WWC2: variants seen among roughly 807,000 people sequenced by gnomAD.
WWC2 encodes the protein WW and C2 domain containing 2, also known as protein WWC2.
Under a neutral mutation model 138.5 loss-of-function variants are expected in WWC2, and 101 were observed. That is an observed-to-expected ratio of 0.73 (90% CI 0.62 to 0.86). The LOEUF is 0.86. Ranked by LOEUF, WWC2 falls within the 40% of genes least tolerant of loss-of-function variation. The pLI is 0.00. For synonymous variants in WWC2, 558 were observed against 538.4 expected, an observed-to-expected ratio of 1.04 and a Z score of -0.50; for missense variants, 1,420 against 1,419.4, an observed-to-expected ratio of 1.00 and a Z score of -0.01.
At chr4:183,289,676 C>CT in intron 21 of WWC2, 41 bp downstream of exon 21, 2 of 1,593,020 alleles carry the variant, frequency 1.3e-6, no homozygotes, top group Middle Eastern at 1.9e-4. Flanking sequence ...GGGCTTACAT[C>CT]TTTTTTTAAA....
Position 183,208,936 on chromosome 4 carries a change from T to A in WWC2, c.446-13T>A. The A allele has an allele frequency of 6.6e-7, 1 of 1,516,322 alleles. No homozygotes were observed. The highest frequency in any genetic ancestry group is 8.9e-7 in the Non-Finnish European group (1 of 1,118,184). The allele number at this position is 1,516,322 out of a possible 1,614,324, so 93.9% of individuals were successfully genotyped here. ...CTTGTAAATAATTAGTTTTTCTTTT[T>A]TCTCTATAAAAGTATTCTCAGGATC... On this transcript the variant is annotated splice_polypyrimidine_tract_variant and intron_variant, in intron 3 of 22. Coordinates refer to ENST00000403733, the MANE Select transcript of WWC2 (RefSeq NM_024949.6).
At chr4:183,102,620 G>A (rs1193613884) in intron 1 of WWC2, among the ~76,000 whole-genome samples, 9 of 152,172 alleles carry the variant, frequency 5.9e-5, no homozygotes, top group Admixed American at 3.9e-4. Context: ...GGGTCTTTGG[G>A]TGGAGTGCAC....
chr4:183,107,180 C>T lies in WWC2; in HGVS notation c.131+7558C>T, dbSNP rs746041208. ...TTTTCTTTTCTTTCTTCTTTTGAGA[C>T]GGAGCCGGTCTCTCTTGCCCAGGCT... On this transcript the variant is annotated intron_variant, in intron 1 of 22. Transcript: ENST00000403733. Among the ~76,000 whole-genome samples the T allele has an allele frequency of 7.9e-5, 12 of 151,822 alleles. No homozygotes were observed. The East Asian group carries it at 1.2e-3, about 15-fold the overall frequency.
rs185256032 is a variant in WWC2, at chr4:183,237,510, A to G, written c.523-2673A>G. On this transcript the variant is annotated intron_variant, in intron 4 of 22. Coordinates refer to ENST00000403733, the MANE Select transcript of WWC2 (RefSeq NM_024949.6). ...TAATTCATATTACACCACCTTTAAA[A>G]TCCTGTTCAGGTAGCCTTCTCCAGG... Among the ~76,000 whole-genome samples the G allele has an allele frequency of 1.0e-3, 158 of 152,246 alleles. 1 individual carries two copies. Among genetic ancestry groups the G allele is most frequent in the Admixed American group, 8.8e-3 (134 of 15,284 alleles).
At chr4:183,184,084 T>A (rs779574825) in intron 1 of WWC2, among the ~76,000 whole-genome samples, 3 of 152,214 alleles carry the variant, frequency 2.0e-5, no homozygotes, top group Admixed American at 6.5e-5. Context: ...CCCCTATATT[T>A]AGTTTCAGAA....
At chr4:183,251,113 C>A (rs914493303) in intron 8 of WWC2, among the ~76,000 whole-genome samples, 6 of 152,162 alleles carry the variant, frequency 3.9e-5, no homozygotes, top group African/African-American at 1.4e-4. Context: ...AATTTTAATG[C>A]CTTTAAATTT....
chr4:183,291,351 T>C (rs1276538748), intron 21 of WWC2, among the ~76,000 whole-genome samples: 7 of 151,930 alleles, frequency 4.6e-5, no homozygotes, highest in Non-Finnish European at 8.8e-5. Context: ...TGCAGGAGAG[T>C]AGGGCCACAG....
At chr4:183,293,400 A>C (rs569557155) in intron 21 of WWC2, among the ~76,000 whole-genome samples, 1 of 152,374 alleles carries the variant, frequency 6.6e-6, no homozygotes, top group South Asian at 2.1e-4. Context: ...GGTCAACTCA[A>C]TAGATTCAGA....
chr4:183,147,205 CTTG>C (rs1445412812), intron 1 of WWC2, among the ~76,000 whole-genome samples: 6 of 152,184 alleles, frequency 3.9e-5, no homozygotes, highest in Non-Finnish European at 7.4e-5. Context: ...CTTTTGAGTT[CTTG>C]TTCTATCCCA....
At position 183,243,747 on chromosome 4, in the gene WWC2, G is replaced by A. The variant is rs976618151; in HGVS notation, c.603-1669G>A. Among the ~76,000 whole-genome samples the A allele has an allele frequency of 5.5e-3, 354 of 64,870 alleles. 2 individuals carry two copies. The highest frequency in any genetic ancestry group is 0.019 in the African/African-American group (344 of 18,474). 42.6% of individuals were successfully genotyped at this position (64,870 alleles called of 152,430 possible). A position where few individuals can be genotyped will look rare whatever the true frequency, so the allele number is the denominator to read the frequency against. The stretch of plus-strand genomic sequence containing the variant: ...TCCCCATTCTAAACACTGTGTGTGT[G>A]TGTGTGTGTGTGTGTGTGTGTGTGT... On this transcript the variant is annotated intron_variant, in intron 5 of 22. Transcript: ENST00000403733.
At chr4:183,262,367 T>C (rs1034708812) in intron 11 of WWC2, among the ~76,000 whole-genome samples, 2 of 152,234 alleles carry the variant, frequency 1.3e-5, no homozygotes, top group Admixed American at 6.5e-5. Flanking sequence ...TGTTCACAGC[T>C]ACATGTTTTA....
intron 21 of WWC2, among the ~76,000 whole-genome samples, chr4:183,303,150 C>T (rs916343846): frequency 9.3e-5 from 14 of 151,198 alleles, no homozygotes; most frequent in Non-Finnish European, 1.6e-4. Flanking sequence ...TGATTTAAGA[C>T]GAAACCACTC....
In WWC2 at chr4:183,201,101, A is replaced by G. The variant is rs1735282609; in HGVS notation, c.242-6852A>G. 1.3e-5 allele frequency among the ~76,000 whole-genome samples: 2 copies of G among 152,186 alleles called. 1 individual carries two copies. The highest frequency in any genetic ancestry group is 4.1e-4 in the South Asian group (2 of 4,834). On this transcript the variant is annotated intron_variant, in intron 2 of 22. Transcript: ENST00000403733. ...AGGATATTCAGAGACCTGAGTTATAATGAATATTTGAACCTGAGAAGTTTG... is the reference window on the plus strand; with the variant it reads ...AGGATATTCAGAGACCTGAGTTATAGTGAATATTTGAACCTGAGAAGTTTG...
chr4:183,238,955 AGT>A (rs1255631905), intron 4 of WWC2, among the ~76,000 whole-genome samples: 1 of 152,226 alleles, frequency 6.6e-6, no homozygotes, highest in Non-Finnish European at 1.5e-5. Flanking sequence ...TTGTGGAATG[AGT>A]AAAATAAATC....
intron 20 of WWC2, among the ~76,000 whole-genome samples, chr4:183,286,301 C>T (rs1738249897): frequency 6.6e-6 from 1 of 152,084 alleles, no homozygotes; most frequent in African/African-American, 2.4e-5. Flanking sequence ...AATGCGGTTT[C>T]AGTATCTCTG....
chr4:183,110,707 T>C (rs574554543), intron 1 of WWC2, among the ~76,000 whole-genome samples: 15 of 152,200 alleles, frequency 9.9e-5, no homozygotes, highest in Non-Finnish European at 1.3e-4. Flanking sequence ...AGCATAGACA[T>C]TGTGTTATGA....
chr4:183,134,872 AGAT>A (rs1733059577), intron 1 of WWC2, among the ~76,000 whole-genome samples: 1 of 151,952 alleles, frequency 6.6e-6, no homozygotes, highest in African/African-American at 2.4e-5. Flanking sequence ...TTCCTTGTTT[AGAT>A]GTGTCTTTTG....
chr4:183,262,096 G>A (rs1282199907), intron 11 of WWC2, among the ~76,000 whole-genome samples: 3 of 152,210 alleles, frequency 2.0e-5, no homozygotes, highest in African/African-American at 7.2e-5. Context: ...GCCCCGGGAA[G>A]GGATTACTAG....
chr4:183,319,905 A>T lies in WWC2; in HGVS notation c.*4176A>T, dbSNP rs900446257. ...ATCTCTCTGACTCTCTCCAATTCTC[A>T]AACAGTCCAGGCCAAACCCAGAGAC... On this transcript the variant is annotated 3_prime_UTR_variant, in exon 23 of 23. Coordinates refer to ENST00000403733, the MANE Select transcript of WWC2 (RefSeq NM_024949.6). 4.3e-6 allele frequency: 7 copies of T among 1,613,694 alleles called. No homozygotes were observed. In the African/African-American group the frequency reaches 9.4e-5, roughly 22 times the overall value.
Sources: gnomAD v4.1 joint callset for allele counts (sites outside exome capture counted in the v4.1 genomes callset) on GRCh38, gnomAD v4.1.1 for gene constraint, MANE v1.5 for transcripts, NCBI Gene and HGNC (gene_info 2026-07-23, HGNC 2026-07-21) for gene names.